Variants in LY9 observed in about 807,000 individuals in gnomAD.
LY9 encodes the protein T-lymphocyte surface antigen Ly-9.
In LY9, 59 loss-of-function variants were observed where a neutral mutation model predicts 64.6. The ratio of observed to expected loss-of-function variants is 0.91; its 90% CI spans 0.74 to 1.13. LY9 has a LOEUF of 1.13. Among genes scored for constraint, LY9 ranks in the 50% most tolerant of loss-of-function variants. LY9 has a pLI of 0.00. For missense variants in LY9, 789 were observed against 797.2 expected (o/e 0.99, Z 0.12); for synonymous variants, 281 against 308.5 (o/e 0.91, Z 0.93).
intron 2 of LY9, chr1:160,801,947 G>C: frequency 6.2e-7 from 1 of 1,609,466 alleles, no homozygotes. Context: ...ACTGGAGACC[G>C]CTCCGCCATC....
chr1:160,797,913 G>A (rs935962951), intron 1 of LY9, among the ~76,000 whole-genome samples: 3 of 152,060 alleles, frequency 2.0e-5, no homozygotes, highest in African/African-American at 7.2e-5. Context: ...ATAGTTGGCA[G>A]AAGCTATGAT....
At chr1:160,827,362 T>C (rs1369704686) in intron 9 of LY9, among the ~76,000 whole-genome samples, 1 of 152,194 alleles carries the variant, frequency 6.6e-6, no homozygotes, top group Non-Finnish European at 1.5e-5. Context: ...GTCTGGACCA[T>C]TACTTTGGAA....
chr1:160,814,075 C>A (rs531288439), intron 3 of LY9, among the ~76,000 whole-genome samples, 164 bp downstream of exon 3: 1 of 152,284 alleles, frequency 6.6e-6, no homozygotes, highest in South Asian at 2.1e-4. Context: ...CAGAGGCTGG[C>A]AGGACTTGGG....
chr1:160,801,442 T>C (rs947891564), intron 2 of LY9, among the ~76,000 whole-genome samples: 7 of 152,230 alleles, frequency 4.6e-5, no homozygotes, highest in Non-Finnish European at 1.0e-4. Flanking sequence ...GTTCCTTGTA[T>C]GTTCTGGATA....
chr1:160,806,648 C>T (rs2101766619), intron 2 of LY9, among the ~76,000 whole-genome samples: 1 of 152,236 alleles, frequency 6.6e-6, no homozygotes, highest in Admixed American at 6.5e-5. Flanking sequence ...TTTTCTCTTA[C>T]TGTTTTTATG....
At chr1:160,805,351 G>T (rs373134116) in intron 2 of LY9, among the ~76,000 whole-genome samples, 1 of 146,174 alleles carries the variant, frequency 6.8e-6, no homozygotes, top group East Asian at 2.0e-4. Context: ...TAATTTCTTT[G>T]TTGACCCAAT....
chr1:160,808,577 G>C (rs1667199326), intron 2 of LY9, among the ~76,000 whole-genome samples: 1 of 152,106 alleles, frequency 6.6e-6, no homozygotes. Flanking sequence ...TGGGCCACTG[G>C]AGGTCTCTCG....
At chr1:160,824,373 C>A in intron 9 of LY9, 124 bp downstream of exon 9, 2 of 1,476,142 alleles carry the variant, frequency 1.4e-6, no homozygotes, top group South Asian at 1.5e-5. Context: ...CACTATGCAC[C>A]CCTCAGATAC....
In LY9 at chr1:160,799,735, C is replaced by T. The variant is rs1390450796; in HGVS notation, c.125-18C>T. 2.6e-6 allele frequency: 4 copies of T among 1,557,258 alleles called. No homozygotes were observed. ...AGGAGTCTAGCTGCTCCTCCAAGTCCCTCTTCTATCTCTGCAGGACTAAGA... is the reference window on the plus strand; with the variant it reads ...AGGAGTCTAGCTGCTCCTCCAAGTCTCTCTTCTATCTCTGCAGGACTAAGA... On this transcript the variant is annotated intron_variant, in intron 1 of 9. Coordinates refer to ENST00000263285, the MANE Select transcript of LY9 (RefSeq NM_002348.4).
At chr1:160,822,593 A>G (rs1668555197) in intron 7 of LY9, among the ~76,000 whole-genome samples, 1 of 152,180 alleles carries the variant, frequency 6.6e-6, no homozygotes, top group African/African-American at 2.4e-5. Flanking sequence ...TTTTCAATAA[A>G]AAGAAAAGCC....
Position 160,824,243 on chromosome 1 carries a change from A to G in LY9, c.1893A>G (p.Lys631=), listed in dbSNP as rs148956008. The part of the protein sequence containing the change: ...SSATIYCSIR[K]PQVVPPPQQN... ...CCACAATCTACTGCTCCATACGGAA[A>G]CCTCAGGTGGTGAGAACTACATTCT... is the stretch of plus-strand genomic sequence containing the variant. Residue 631 remains lysine, a synonymous_variant, in exon 9 of 10, where the codon AAA becomes AAG. Transcript: ENST00000263285. The G allele has an allele frequency of 1.2e-5, 20 of 1,614,044 alleles. No homozygotes were observed. The African/African-American group carries it at 2.5e-4, about 20-fold the overall frequency.
chr1:160,797,328 A>C lies in LY9; in HGVS notation c.124+1017A>C, dbSNP rs573089113. On this transcript the variant is annotated intron_variant, in intron 1 of 9. Transcript: ENST00000263285. ...GGGTTGGCAGTTGGTGCCTGAAGGGAGCTTTAGAAACACTCCTAGATGCAG... is the reference window on the plus strand; with the variant it reads ...GGGTTGGCAGTTGGTGCCTGAAGGGCGCTTTAGAAACACTCCTAGATGCAG... 1.3e-4 allele frequency: 128 copies of C among 975,404 alleles called. No individual in the cohort carries two copies. The African/African-American group carries it at 1.9e-3, about 14-fold the overall frequency. 60.4% of individuals were successfully genotyped at this position (975,404 alleles called of 1,614,324 possible).
At chr1:160,827,715 A>T (rs1397417625) in intron 9 of LY9, 33 bp from the exon 10 acceptor site, 3 of 1,551,676 alleles carry the variant, frequency 1.9e-6, no homozygotes, top group Non-Finnish European at 2.6e-6. Context: ...AGGCTTTATT[A>T]ACCATATTCT....
intron 7 of LY9, 95 bp downstream of exon 7, chr1:160,819,469 TG>T: frequency 9.1e-7 from 1 of 1,096,918 alleles, no homozygotes; most frequent in Non-Finnish European, 1.4e-6. Flanking sequence ...GCCAGCAGTG[TG>T]GGCATCACCC....
Position 160,823,611 on chromosome 1 carries a change from A to C in LY9, c.1645A>C (p.Arg549=). 6.2e-7 allele frequency: 1 copy of C among 1,614,210 alleles called. No homozygotes were observed. Among genetic ancestry groups the C allele is most frequent in the Non-Finnish European group, 8.5e-7 (1 of 1,180,028 alleles). The change falls in exon 8 of 10, where the codon AGG becomes CGG. Residue 549 remains arginine, a synonymous_variant. Coordinates refer to ENST00000263285, the MANE Select transcript of LY9 (RefSeq NM_002348.4). ...CCTCACAACTGAGGAGGATGAGGAC[A>C]GGCCTGAGGTGCACAAGCCCATCAG... ...SNLTTEEDED[R]PEVHKPISGR...
chr1:160,816,753 AC>A lies in LY9; in HGVS notation c.1234del (p.Leu412SerfsTer50). 6.2e-7 allele frequency: 1 copy of A among 1,614,206 alleles called. No individual in the cohort carries two copies. Among genetic ancestry groups the A allele is most frequent in the Non-Finnish European group, 8.5e-7 (1 of 1,180,032 alleles). On this transcript the variant is annotated frameshift_variant, in exon 5 of 10. Transcript: ENST00000263285. LOFTEE classifies it high-confidence loss of function. ...GCTGTTGTGTCCCAAGGGGAATCAC[AC>A]CTCAATGTCTCATGGAGAAGCAGTG... ...KEAVVSQGES[H>X]LNVSWRSSEN...
In LY9 at chr1:160,827,988, C is replaced by T. The variant is rs1668951140; in HGVS notation, c.*172C>T. The T allele has an allele frequency of 4.0e-6, 2 of 500,658 alleles. No individual in the cohort carries two copies. Among genetic ancestry groups the T allele is most frequent in the South Asian group, 5.6e-5 (2 of 35,760 alleles). 31.0% of individuals were successfully genotyped at this position (500,658 alleles called of 1,614,324 possible). A position where few individuals can be genotyped will look rare whatever the true frequency, so the allele number is the denominator to read the frequency against. ...TCTCACCCTTAAGGACTCCCAAACC[C>T]ATTAATAGTTCAGACACAGGCTCCT... On this transcript the variant is annotated 3_prime_UTR_variant, in exon 10 of 10. Coordinates refer to ENST00000263285, the MANE Select transcript of LY9 (RefSeq NM_002348.4).
At chr1:160,802,956 A>C (rs1314585793) in intron 2 of LY9, among the ~76,000 whole-genome samples, 3 of 152,004 alleles carry the variant, frequency 2.0e-5, no homozygotes, top group Non-Finnish European at 2.9e-5. Context: ...ATGACTATTC[A>C]TGGTCTTTTG....
intron 2 of LY9, chr1:160,809,766 A>G (rs1322846984): frequency 2.0e-5 from 3 of 152,216 alleles, no homozygotes; most frequent in Non-Finnish European, 4.4e-5. Context: ...TATATTCTCA[A>G]TAACAAAGTA....
Sources: allele counts gnomAD v4.1 joint callset (sites outside exome capture counted in the v4.1 genomes callset), GRCh38; gene constraint gnomAD v4.1.1; transcripts MANE v1.5; gene names NCBI Gene and HGNC (gene_info 2026-07-23, HGNC 2026-07-21).